Variants in ERBB4 observed in about 807,000 individuals in gnomAD.
ERBB4 encodes erb-b2 receptor tyrosine kinase 4.
Under a neutral mutation model 158.0 loss-of-function variants are expected in ERBB4, and 42 were observed. That is an observed-to-expected ratio of 0.27 (90% confidence interval 0.21 to 0.34). ERBB4 has a LOEUF of 0.34. Ranked by LOEUF, ERBB4 falls within the 10% of genes least tolerant of loss-of-function variation. The pLI, the probability that ERBB4 is intolerant of heterozygous loss-of-function variation, is 1.00. For synonymous variants in ERBB4, 583 were observed against 558.7 expected (o/e 1.04, Z -0.61); for missense variants, 1,333 against 1,624.1 (o/e 0.82, Z 3.08).
At chr2:211,826,516 A>C (rs2077103113) in intron 3 of ERBB4, among the ~76,000 whole-genome samples, 1 of 151,860 alleles carries the variant, frequency 6.6e-6, no homozygotes, top group African/African-American at 2.4e-5. Flanking sequence ...TATTTATTGC[A>C]GACTATCTCC....
At chr2:212,098,639 T>G (rs1304573325) in intron 2 of ERBB4, among the ~76,000 whole-genome samples, 1 of 152,188 alleles carries the variant, frequency 6.6e-6, no homozygotes, top group Non-Finnish European at 1.5e-5. Flanking sequence ...TATTTTCTTT[T>G]CCAATTAGAA....
intron 3 of ERBB4, among the ~76,000 whole-genome samples, chr2:211,854,660 A>T (rs1228462716): frequency 6.6e-6 from 1 of 152,184 alleles, no homozygotes; most frequent in Non-Finnish European, 1.5e-5. Flanking sequence ...TACAAAAGAC[A>T]GTATTCCATC....
chr2:212,359,491 G>T (rs974960373), intron 1 of ERBB4, among the ~76,000 whole-genome samples: 1 of 151,598 alleles, frequency 6.6e-6, no homozygotes, highest in Non-Finnish European at 1.5e-5. Context: ...TAATGTATCT[G>T]TTTTTTCCTA....
chr2:212,399,509 T>G (rs922458700), intron 1 of ERBB4, among the ~76,000 whole-genome samples: 2 of 146,444 alleles, frequency 1.4e-5, no homozygotes, highest in Non-Finnish European at 3.0e-5. Flanking sequence ...CTGCTATTAA[T>G]AAGTCATGCC....
intron 24 of ERBB4, among the ~76,000 whole-genome samples, chr2:211,421,381 A>C (rs2063511760): frequency 6.6e-6 from 1 of 152,026 alleles, no homozygotes; most frequent in Admixed American, 6.6e-5. Context: ...CCATTTGTTT[A>C]GAGTTTAGGT....
intron 1 of ERBB4, among the ~76,000 whole-genome samples, chr2:212,279,470 T>C (rs1214028270): frequency 6.6e-6 from 1 of 151,562 alleles, no homozygotes. Context: ...CCTATCTTAA[T>C]TAAAGAAAAT....
At chr2:212,342,582 G>A (rs2008506) in intron 1 of ERBB4, among the ~76,000 whole-genome samples, 8,791 of 152,124 alleles carry the variant, frequency 0.058, 851 homozygotes, top group African/African-American at 0.2. Context: ...CAATGATGCT[G>A]GAAGTGTGAA....
rs191979296 is a variant in ERBB4, at chr2:212,498,785, T to C, written c.82+39664A>G. The stretch of plus-strand genomic sequence containing the variant: ...CTACAAAAATGTGCTTTTCTTCAGA[T>C]TGAAAGACCCTAACTACTAGTAGTA... On this transcript the variant is annotated intron_variant, in intron 1 of 27. Transcript: ENST00000342788. 7.9e-5 allele frequency among the ~76,000 whole-genome samples: 12 copies of C among 152,144 alleles called. No homozygotes were observed. The East Asian group carries it at 2.1e-3, about 27-fold the overall frequency.
chr2:212,295,925 A>G (rs144873349), intron 1 of ERBB4, among the ~76,000 whole-genome samples: 116 of 152,178 alleles, frequency 7.6e-4, no homozygotes, highest in African/African-American at 2.6e-3. Flanking sequence ...TTTGCCAGCC[A>G]TTCATCAAAG....
intron 5 of ERBB4, among the ~76,000 whole-genome samples, chr2:211,749,382 G>T (rs1043327216): frequency 1.3e-5 from 2 of 152,102 alleles, no homozygotes; most frequent in African/African-American, 4.8e-5. Context: ...GCTAATATTT[G>T]AATGAAAAAT....
intron 16 of ERBB4, among the ~76,000 whole-genome samples, chr2:211,634,019 C>T (rs4673625): frequency 6.6e-6 from 1 of 152,032 alleles, no homozygotes; most frequent in African/African-American, 2.4e-5. Context: ...ATCAGCTGGG[C>T]GTGGTGGCAT....
At chr2:211,513,777 G>C (rs2065950015) in intron 20 of ERBB4, among the ~76,000 whole-genome samples, 1 of 151,996 alleles carries the variant, frequency 6.6e-6, no homozygotes, top group Admixed American at 6.6e-5. Context: ...TACAGGCTCA[G>C]GGCTCCAGAC....
intron 1 of ERBB4, among the ~76,000 whole-genome samples, chr2:212,385,565 A>G (rs202171650): frequency 6.6e-6 from 1 of 152,038 alleles, no homozygotes; most frequent in African/African-American, 2.4e-5. Flanking sequence ...TTTCAAAATC[A>G]AGTTTATGCT....
intron 3 of ERBB4, among the ~76,000 whole-genome samples, chr2:211,789,414 C>T (rs908600339): frequency 2.6e-5 from 4 of 152,156 alleles, no homozygotes; most frequent in Admixed American, 6.6e-5. Flanking sequence ...ATGGCTGCTA[C>T]ATCTAAAAAC....
Position 212,177,932 on chromosome 2 carries a change from G to C in ERBB4, c.83-53029C>G, listed in dbSNP as rs186273046. On this transcript the variant is annotated intron_variant, in intron 1 of 27. Transcript: ENST00000342788. ...GATGAAATCAAGTTAAAAAGGCAAA[G>C]AGTGTTTGTGAGTGTTTGTGAGTGT... Among the ~76,000 whole-genome samples, 404 of 132,676 alleles carry C rather than the reference G, an allele frequency of 3.0e-3. 4 individuals are homozygous for C. Among genetic ancestry groups the C allele is most frequent in the African/African-American group, 0.011 (372 of 34,404 alleles). 87.0% of individuals were successfully genotyped at this position (132,676 alleles called of 152,430 possible).
intron 3 of ERBB4, among the ~76,000 whole-genome samples, chr2:211,821,998 A>G: frequency 6.6e-6 from 1 of 152,026 alleles, no homozygotes; most frequent in East Asian, 1.9e-4. Context: ...ATAAAAATAA[A>G]CAAATGGGAT....
intron 2 of ERBB4, among the ~76,000 whole-genome samples, chr2:212,108,081 T>C (rs776473372): frequency 8.5e-5 from 13 of 152,220 alleles, no homozygotes; most frequent in African/African-American, 1.7e-4. Context: ...TACCAGATTA[T>C]ACTATTAAAG....
chr2:212,218,112 C>T (rs1335708460), intron 1 of ERBB4, among the ~76,000 whole-genome samples: 1 of 151,202 alleles, frequency 6.6e-6, no homozygotes, highest in Non-Finnish European at 1.5e-5. Flanking sequence ...TTTACTATAG[C>T]CTCAAAGTCT....
At chr2:212,324,652 T>A (rs562509327) in intron 1 of ERBB4, among the ~76,000 whole-genome samples, 1 of 150,510 alleles carries the variant, frequency 6.6e-6, no homozygotes, top group East Asian at 2.0e-4. Context: ...TTACTAAATC[T>A]GATAATTAGA....
Sources: gnomAD v4.1 joint callset for allele counts (sites outside exome capture counted in the v4.1 genomes callset) on GRCh38, gnomAD v4.1.1 for gene constraint, MANE v1.5 for transcripts, NCBI Gene and HGNC (gene_info 2026-07-23, HGNC 2026-07-21) for gene names.